Variants in EDA observed in about 807,000 individuals in gnomAD.
The protein encoded by EDA is ectodysplasin A, also known as ectodysplasin-A.
A neutral mutation model predicts 23.6 loss-of-function variants in EDA; 2 were observed. That is an observed-to-expected ratio of 0.08 (90% CI 0.03 to 0.27). The LOEUF (loss-of-function observed/expected upper bound fraction) is 0.27, where lower values mean the gene tolerates loss of function less well. Ranked by LOEUF, EDA falls within the 10% of genes least tolerant of loss-of-function variation. The pLI, the probability that EDA is intolerant of heterozygous loss-of-function variation, is 1.00. For synonymous variants in EDA, 131 were observed against 132.0 expected (o/e 0.99, Z 0.05); for missense variants, 229 against 324.2 (o/e 0.71, Z 2.26).
chrX:69,993,336 C>T (rs971876854), intron 2 of EDA, among the ~76,000 whole-genome samples: 1 of 111,145 alleles, frequency 9.0e-6, no homozygotes, highest in Non-Finnish European at 1.9e-5. Context: ...AGTAAAGGAA[C>T]TTTGAGGATC....
chrX:69,902,395 G>A (rs1442091155), intron 1 of EDA, among the ~76,000 whole-genome samples: 1 of 111,406 alleles, frequency 9.0e-6, no homozygotes, highest in Non-Finnish European at 1.9e-5. Flanking sequence ...CAAAGAGATG[G>A]TGTAGAGTTT....
In EDA at chrX:69,747,414, G is replaced by A. The variant is rs532713652; in HGVS notation, c.396+130710G>A. Among the ~76,000 whole-genome samples the A allele has an allele frequency of 1.7e-4, 19 of 112,612 alleles. No individual in the cohort carries two copies. The South Asian group carries it at 5.1e-3, about 30-fold the overall frequency. On this transcript the variant is annotated intron_variant, in intron 1 of 7. Transcript: ENST00000374552. ...TGAGCAGTGTGAAATATTGGCAGAGGCCAGATTGTGCAGATTGGGATTTAT... is the reference window on the plus strand; with the variant it reads ...TGAGCAGTGTGAAATATTGGCAGAGACCAGATTGTGCAGATTGGGATTTAT...
intron 1 of EDA, among the ~76,000 whole-genome samples, chrX:69,758,078 A>G (rs1301636035): frequency 1.8e-5 from 2 of 112,193 alleles, no homozygotes; most frequent in Non-Finnish European, 3.8e-5. Flanking sequence ...TGTATCCTGG[A>G]TGAAGGCCCT....
intron 1 of EDA, among the ~76,000 whole-genome samples, chrX:69,857,574 G>A (rs773879309): frequency 5.8e-4 from 62 of 107,078 alleles, no homozygotes; most frequent in Non-Finnish European, 9.8e-4. Flanking sequence ...GTTTTTTCTC[G>A]TTCTGTGAAA....
chrX:69,663,480 T>C (rs1226038284), intron 1 of EDA, among the ~76,000 whole-genome samples: 5 of 112,612 alleles, frequency 4.4e-5, no homozygotes, highest in Non-Finnish European at 9.4e-5. Context: ...TGGAGGCCTC[T>C]GCCTAGATTT....
intron 2 of EDA, among the ~76,000 whole-genome samples, chrX:69,958,972 A>G (rs900661003): frequency 9.0e-6 from 1 of 111,265 alleles, no homozygotes; most frequent in Non-Finnish European, 1.9e-5. Context: ...CTGAGTGGTA[A>G]GTCTAATGGC....
intron 2 of EDA, among the ~76,000 whole-genome samples, chrX:69,976,437 G>A (rs2019318810): frequency 9.0e-6 from 1 of 111,322 alleles, no homozygotes; most frequent in Non-Finnish European, 1.9e-5. Context: ...TTTTTTCCTG[G>A]CCAAATCTCT....
intron 1 of EDA, among the ~76,000 whole-genome samples, chrX:69,715,164 T>C (rs2147335171): frequency 9.3e-6 from 1 of 107,886 alleles, no homozygotes; most frequent in African/African-American, 3.4e-5. Flanking sequence ...CAGGAGTTTG[T>C]TGTACAGATT....
chrX:69,670,383 C>T, intron 1 of EDA: 1 of 301,979 alleles, frequency 3.3e-6, no homozygotes, highest in Non-Finnish European at 5.8e-6. Flanking sequence ...AGAGAGGGCC[C>T]CTTTGGGTAG....
At chrX:69,954,080 AG>A (rs1213454727) in intron 1 of EDA, among the ~76,000 whole-genome samples, 1 of 111,664 alleles carries the variant, frequency 9.0e-6, no homozygotes, top group African/African-American at 3.3e-5. Context: ...AAATTTCAAA[AG>A]GGAAAAAATC....
At chrX:69,625,371 C>T (rs766665483) in intron 1 of EDA, among the ~76,000 whole-genome samples, 34 of 110,583 alleles carry the variant, frequency 3.1e-4, no homozygotes, top group Admixed American at 5.8e-4. Context: ...ACAGCAAGTG[C>T]AAAGGCCTGG....
chrX:69,849,180 G>A (rs1291081287), intron 1 of EDA, among the ~76,000 whole-genome samples: 6 of 106,472 alleles, frequency 5.6e-5, no homozygotes, highest in Non-Finnish European at 1.2e-4. Context: ...TGAGATTCAA[G>A]GAGAACCACA....
chrX:69,697,911 T>G (rs1465331030), intron 1 of EDA, among the ~76,000 whole-genome samples: 1 of 112,432 alleles, frequency 8.9e-6, no homozygotes. Context: ...CACTCTCTTC[T>G]GCTAATAACT....
intron 1 of EDA, among the ~76,000 whole-genome samples, chrX:69,660,578 GAGTACATGT>G (rs1933457132): frequency 9.2e-6 from 1 of 108,790 alleles, no homozygotes; most frequent in African/African-American, 3.4e-5. Context: ...ACCTATGAGT[GAGTACATGT>G]GGTGTTTGGT....
chrX:69,918,626 CT>C (rs1356537802), intron 1 of EDA, among the ~76,000 whole-genome samples: 4 of 111,835 alleles, frequency 3.6e-5, no homozygotes, highest in African/African-American at 1.3e-4. Context: ...AGTTAATTTC[CT>C]TTCAGTTTTA....
rs986740820 is a variant in EDA at position 69,938,185 on chromosome X, C to T, written c.397-18842C>T. 2.0e-3 allele frequency among the ~76,000 whole-genome samples: 220 copies of T among 111,399 alleles called. 2 individuals carry two copies. The highest frequency in any genetic ancestry group is 5.8e-3 in the African/African-American group (178 of 30,703). ...CAGCACCCGGCGGCAGTGGCAGTGG[C>T]GGGTGCCCCATAGACACCTCTCGCC... On this transcript the variant is annotated intron_variant, in intron 1 of 7. Coordinates refer to ENST00000374552, the MANE Select transcript of EDA (RefSeq NM_001399.5).
At chrX:69,706,288 C>T (rs1337083391) in intron 1 of EDA, among the ~76,000 whole-genome samples, 1 of 111,918 alleles carries the variant, frequency 8.9e-6, no homozygotes, top group East Asian at 2.8e-4. Context: ...TTGACGAAGG[C>T]ATAGAGTGGT....
At chrX:69,796,327 G>A (rs2015544875) in intron 1 of EDA, among the ~76,000 whole-genome samples, 1 of 111,451 alleles carries the variant, frequency 9.0e-6, no homozygotes, top group Admixed American at 9.4e-5. Context: ...CCCAAGAATA[G>A]AAATGCTCTG....
At chrX:69,663,454 G>A (rs1365904516) in intron 1 of EDA, among the ~76,000 whole-genome samples, 1 of 112,540 alleles carries the variant, frequency 8.9e-6, no homozygotes. Context: ...ATGCACAGAA[G>A]TCAAGAATTG....
Sources: gnomAD v4.1 joint callset for allele counts (sites outside exome capture counted in the v4.1 genomes callset) on GRCh38, gnomAD v4.1.1 for gene constraint, MANE v1.5 for transcripts, NCBI Gene and HGNC (gene_info 2026-07-23, HGNC 2026-07-21) for gene names.